Variants in TTC28 observed in about 807,000 individuals in gnomAD.
TTC28 encodes tetratricopeptide repeat domain 28, also known as tetratricopeptide repeat protein 28.
A neutral mutation model predicts 198.0 loss-of-function variants in TTC28; 61 were observed. The observed-to-expected ratio is 0.31, with a 90% CI of 0.25 to 0.38. The LOEUF is 0.38. TTC28 is among the 10% of genes least tolerant of loss of function. The pLI, the probability that TTC28 is intolerant of heterozygous loss-of-function variation, is 1.00. For synonymous variants in TTC28, 1,171 were observed against 1,297.8 expected (o/e 0.90, Z 2.10); for missense variants, 2,678 against 3,164.0 (o/e 0.85, Z 3.69).
intron 2 of TTC28, among the ~76,000 whole-genome samples, chr22:28,468,523 C>A: frequency 6.9e-6 from 1 of 144,542 alleles, no homozygotes; most frequent in South Asian, 2.2e-4. Context: ...TCTCATAATG[C>A]TTTTTTTTTT....
intron 2 of TTC28, among the ~76,000 whole-genome samples, chr22:28,336,128 T>C (rs2045712776): frequency 6.6e-6 from 1 of 152,226 alleles, no homozygotes; most frequent in Non-Finnish European, 1.5e-5. Flanking sequence ...TCTGTTTATA[T>C]GCTGGATTAC....
chr22:28,174,532 T>G (rs1186671277), intron 5 of TTC28, among the ~76,000 whole-genome samples: 19 of 152,176 alleles, frequency 1.2e-4, no homozygotes. Context: ...ACTGCTCTTC[T>G]GCAAATATAT....
rs140797544 is a variant in TTC28 at position 28,361,575 on chromosome 22, T to C, written c.382-54932A>G. Among the ~76,000 whole-genome samples the C allele has an allele frequency of 1.2e-4, 19 of 152,274 alleles. No homozygotes were observed. The East Asian group carries it at 3.1e-3, about 25-fold the overall frequency. ...GTCTCTAAAACATAAAAGCATGAGA[T>C]GAAACATTAAGTGCTGATGTAGAAG... On this transcript the variant is annotated intron_variant, in intron 2 of 22. Transcript: ENST00000397906.
At chr22:28,461,536 A>C (rs571225818) in intron 2 of TTC28, among the ~76,000 whole-genome samples, 1 of 152,088 alleles carries the variant, frequency 6.6e-6, no homozygotes, top group East Asian at 1.9e-4. Context: ...TCCTGGGTTC[A>C]GGCAATTCTC....
intron 5 of TTC28, among the ~76,000 whole-genome samples, chr22:28,273,167 T>C (rs2223370): frequency 0.81 from 123,641 of 152,088 alleles, 50,763 homozygotes; most frequent in African/African-American, 0.92. Context: ...ACTCTAAATA[T>C]CTGCCAGATA....
At chr22:28,214,937 G>A (rs1569203024) in intron 5 of TTC28, among the ~76,000 whole-genome samples, 1 of 152,220 alleles carries the variant, frequency 6.6e-6, no homozygotes, top group Non-Finnish European at 1.5e-5. Context: ...ATATACCATG[G>A]AATACTATGC....
At chr22:28,172,860 A>G (rs1011144360) in intron 5 of TTC28, among the ~76,000 whole-genome samples, 4 of 152,236 alleles carry the variant, frequency 2.6e-5, no homozygotes, top group Admixed American at 6.5e-5. Context: ...TGTAACACTA[A>G]TAAGTATTTT....
At chr22:28,614,701 C>T (rs916866302) in intron 2 of TTC28, among the ~76,000 whole-genome samples, 1 of 152,130 alleles carries the variant, frequency 6.6e-6, no homozygotes, top group Non-Finnish European at 1.5e-5. Context: ...GGGAAGGATT[C>T]CCTATTTAAT....
intron 5 of TTC28, among the ~76,000 whole-genome samples, chr22:28,262,067 C>G (rs1373345092): frequency 6.6e-6 from 1 of 152,138 alleles, no homozygotes; most frequent in Non-Finnish European, 1.5e-5. Flanking sequence ...TATCCTTTCT[C>G]TTTCTCTCTC....
At chr22:28,411,183 T>C (rs2047075752) in intron 2 of TTC28, among the ~76,000 whole-genome samples, 1 of 152,214 alleles carries the variant, frequency 6.6e-6, no homozygotes, top group Non-Finnish European at 1.5e-5. Flanking sequence ...ATTCTTCTAA[T>C]AGGTTTTAGA....
intron 2 of TTC28, among the ~76,000 whole-genome samples, chr22:28,573,213 T>A (rs190508124): frequency 6.6e-6 from 1 of 151,470 alleles, no homozygotes; most frequent in Non-Finnish European, 1.5e-5. Context: ...TCCCAGCACT[T>A]TGGGAGGCTG....
chr22:28,436,632 G>C (rs1234394972), intron 2 of TTC28, among the ~76,000 whole-genome samples: 1 of 152,156 alleles, frequency 6.6e-6, no homozygotes, highest in Non-Finnish European at 1.5e-5. Context: ...CATACTACGA[G>C]GAAAAACATA....
In TTC28 at chr22:28,005,520, G is replaced by A. The variant is rs1478218967; in HGVS notation, c.4219-3967C>T. ...TTTCTCCCACGATATGCAGGGTGCTGAGCTGTGTCAGTGGAGTGCACTAAG... is the reference window on the plus strand; with the variant it reads ...TTTCTCCCACGATATGCAGGGTGCTAAGCTGTGTCAGTGGAGTGCACTAAG... On this transcript the variant is annotated intron_variant, in intron 14 of 22. Coordinates refer to ENST00000397906, the MANE Select transcript of TTC28 (RefSeq NM_001145418.2). This position sits in a 1 kb window ranked among gnomAD's most constrained non-coding sequence, Gnocchi z 4.9. 6.6e-6 allele frequency among the ~76,000 whole-genome samples: 1 copy of A among 152,208 alleles called. No individual in the cohort carries two copies. Among genetic ancestry groups the A allele is most frequent in the Non-Finnish European group, 1.5e-5 (1 of 68,032 alleles).
At chr22:28,353,211 G>C (rs1306228600) in intron 2 of TTC28, among the ~76,000 whole-genome samples, 4 of 152,092 alleles carry the variant, frequency 2.6e-5, no homozygotes, top group Non-Finnish European at 4.4e-5. Flanking sequence ...AGAGAAAAAT[G>C]TATTGCCTTA....
In TTC28 at chr22:28,590,409, G is replaced by A. The variant is rs140286877; in HGVS notation, c.381+39143C>T. Reference sequence around the variant, plus strand: ...CTCCTAAAGTGCTGGGATTACAGGCGTGAGCCACCACGCCCAGCCTCCAAT... The same window carrying A: ...CTCCTAAAGTGCTGGGATTACAGGCATGAGCCACCACGCCCAGCCTCCAAT... On this transcript the variant is annotated intron_variant, in intron 2 of 22. Transcript: ENST00000397906. 5.3e-3 allele frequency among the ~76,000 whole-genome samples: 799 copies of A among 152,132 alleles called. 5 individuals are homozygous for A. The highest frequency in any genetic ancestry group is 0.01 in the Middle Eastern group (3 of 292).
intron 2 of TTC28, among the ~76,000 whole-genome samples, chr22:28,333,360 A>G (rs1270372245): frequency 1.3e-5 from 2 of 152,108 alleles, no homozygotes; most frequent in Admixed American, 1.3e-4. Flanking sequence ...AAATAGATAT[A>G]AATAACTTAG....
intron 2 of TTC28, among the ~76,000 whole-genome samples, chr22:28,339,464 G>GT (rs2045791629): frequency 6.6e-6 from 1 of 152,178 alleles, no homozygotes. Context: ...GCTCCCTTTT[G>GT]TTTGGCTATG....
At chr22:28,275,919 T>C (rs979568837) in intron 5 of TTC28, among the ~76,000 whole-genome samples, 37 of 152,150 alleles carry the variant, frequency 2.4e-4, no homozygotes, top group South Asian at 1.7e-3. Context: ...TGAAACAGCA[T>C]TGGACTAAAA....
At chr22:28,542,314 A>C (rs1210286213) in intron 2 of TTC28, among the ~76,000 whole-genome samples, 2 of 152,302 alleles carry the variant, frequency 1.3e-5, no homozygotes, top group East Asian at 3.9e-4. Flanking sequence ...CGGCCAATGG[A>C]ACAATATCAA....
Sources: gnomAD v4.1 joint callset for allele counts (sites outside exome capture counted in the v4.1 genomes callset) on GRCh38, gnomAD v4.1.1 for gene constraint, Gnocchi (gnomAD v3.1) non-coding constraint, MANE v1.5 for transcripts, NCBI Gene and HGNC (gene_info 2026-07-23, HGNC 2026-07-21) for gene names.